AEBP2: variants seen among roughly 807,000 people sequenced by gnomAD.
AEBP2 encodes AE binding protein 2.
Under a neutral mutation model 50.8 loss-of-function variants are expected in AEBP2, and 10 were observed. That is an observed-to-expected ratio of 0.20 (90% CI 0.12 to 0.33). AEBP2 has a LOEUF of 0.33. AEBP2 is among the 10% of genes least tolerant of loss of function. The pLI is 1.00. For synonymous variants in AEBP2, 296 were observed against 261.3 expected (o/e 1.13, Z -1.28); for missense variants, 570 against 688.0 (o/e 0.83, Z 1.92).
rs201862688 is a variant in AEBP2, at chr12:19,514,800, C to T, written c.1481+16C>T. ...ACATATACAGGTAATTTAATTCTTG[C>T]CTTTATGTTTTACTTTTTGATTTGT... On this transcript the variant is annotated intron_variant, in intron 7 of 7. Transcript: ENST00000266508. 64 of 1,567,724 alleles carry T rather than the reference C, an allele frequency of 4.1e-5. No homozygotes were observed. Among genetic ancestry groups the T allele is most frequent in the Admixed American group, 1.4e-4 (8 of 55,346 alleles).
At chr12:19,434,390 C>A (rs986291699) in intron 1 of AEBP2, among the ~76,000 whole-genome samples, 1 of 151,894 alleles carries the variant, frequency 6.6e-6, no homozygotes, top group Non-Finnish European at 1.5e-5. Flanking sequence ...TCAGGCTGGT[C>A]TTGAACTCCC....
intron 1 of AEBP2, among the ~76,000 whole-genome samples, chr12:19,412,467 A>G (rs576473246): frequency 4.0e-5 from 6 of 151,866 alleles, no homozygotes; most frequent in Non-Finnish European, 8.8e-5. Flanking sequence ...TTTAGTAGAG[A>G]AGGGGTTTCA....
intron 1 of AEBP2, chr12:19,457,348 CTG>C (rs1948286701): frequency 2.0e-6 from 3 of 1,469,882 alleles, no homozygotes; most frequent in Non-Finnish European, 2.8e-6. Flanking sequence ...GATGAAGTCT[CTG>C]TGGTTAAGTC....
chr12:19,440,870 C>CA, intron 1 of AEBP2: 2 of 1,040,252 alleles, frequency 1.9e-6, no homozygotes, highest in African/African-American at 1.6e-5. Context: ...TCTACTTAAA[C>CA]AAAAAAAGGA....
intron 7 of AEBP2, among the ~76,000 whole-genome samples, chr12:19,516,097 T>C (rs1949313584): frequency 6.6e-6 from 1 of 152,160 alleles, no homozygotes; most frequent in Admixed American, 6.5e-5. Flanking sequence ...AAAAATTTTT[T>C]TCTTCTCAAA....
chr12:19,423,410 G>A (rs1309637031), intron 1 of AEBP2, among the ~76,000 whole-genome samples: 5 of 152,164 alleles, frequency 3.3e-5, no homozygotes, highest in East Asian at 1.9e-4. Context: ...CATACAAGAT[G>A]CTTTAGGCAT....
At chr12:19,508,214 A>T (rs1185016574) in intron 5 of AEBP2, among the ~76,000 whole-genome samples, 9 of 152,214 alleles carry the variant, frequency 5.9e-5, no homozygotes, top group African/African-American at 9.6e-5. Context: ...TGTTGTTTTT[A>T]AAAAAACCAT....
Position 19,497,328 on chromosome 12 carries a change from GT to G in AEBP2, c.1175-2745del, listed in dbSNP as rs34011915. On this transcript the variant is annotated intron_variant, in intron 4 of 7. Transcript: ENST00000266508. The stretch of plus-strand genomic sequence containing the variant: ...TTCTATTTTTGTGGTTTCCAAAGGT[GT>G]TTTTTTTTTTTTTTTTTTTTTTTGA... 1.0e-3 allele frequency among the ~76,000 whole-genome samples: 81 copies of G among 78,716 alleles called. 1 individual carries two copies. In the South Asian group the frequency reaches 0.044, roughly 42 times the overall value. The allele number at this position is 78,716 out of a possible 152,430, so 51.6% of individuals were successfully genotyped here.
rs964123814 is a variant in AEBP2 at position 19,439,883 on chromosome 12, G to A, written c.184G>A (p.Gly62Ser). The A allele has an allele frequency of 4.3e-5, 64 of 1,484,480 alleles. No homozygotes were observed. Among genetic ancestry groups the A allele is most frequent in the Non-Finnish European group, 5.6e-5 (63 of 1,126,558 alleles). The allele number at this position is 1,484,480 out of a possible 1,614,324, so 92.0% of individuals were successfully genotyped here. A position where few individuals can be genotyped will look rare whatever the true frequency, so the allele number is the denominator to read the frequency against. The change falls in exon 1 of 8, where the codon GGC becomes AGC. Residue 62 changes from glycine (G) to serine (S), a missense_variant. By Grantham distance (56) the Gly-to-Ser change is moderately conservative (BLOSUM62 0). Transcript: ENST00000266508. Reference sequence around the variant, plus strand: ...GGTGGCGGCGCTGCTGCTGAACGGCGGCAGCGGTGGGGGCGGCGGAGGCGG... The same window carrying A: ...GGTGGCGGCGCTGCTGCTGAACGGCAGCAGCGGTGGGGGCGGCGGAGGCGG... ...EAVAALLLNG[G>S]SGGGGGGGGG...
At chr12:19,452,430 A>G (rs1948179860) in intron 1 of AEBP2, among the ~76,000 whole-genome samples, 1 of 152,248 alleles carries the variant, frequency 6.6e-6, no homozygotes, top group Admixed American at 6.5e-5. Context: ...TTTATATAGT[A>G]GGTTACATAA....
rs187232464 is a variant in AEBP2 at position 19,419,449 on chromosome 12, C to T, written c.-17+15233C>T. Among the ~76,000 whole-genome samples, 679 of 152,108 alleles carry T rather than the reference C, an allele frequency of 4.5e-3. 4 individuals carry two copies. Among genetic ancestry groups the T allele is most frequent in the South Asian group, 9.1e-3 (44 of 4,818 alleles). On this transcript the variant is annotated intron_variant, in intron 1 of 3. Transcript: ENST00000538425. ...CTAAAAATACAAAAACTTAGCCAGG[C>T]GTAGTGGCACGTGCCTATAGTCCTA...
intron 2 of AEBP2, among the ~76,000 whole-genome samples, chr12:19,467,638 C>CT (rs1234543631): frequency 6.6e-6 from 1 of 152,124 alleles, no homozygotes; most frequent in Admixed American, 6.6e-5. Flanking sequence ...AGATTAGACT[C>CT]TGAGTTATCT....
Position 19,439,710 on chromosome 12 carries a change from C to T in AEBP2, c.11C>T (p.Ala4Val), listed in dbSNP as rs1170927483. Residue 4 changes from alanine (A) to valine (V), a missense_variant, in exon 1 of 8, where the codon GCT (alanine) becomes GTT (valine). Ala to Val is a moderately conservative substitution (Grantham distance 64, BLOSUM62 0). Coordinates refer to ENST00000266508, the MANE Select transcript of AEBP2 (RefSeq NM_153207.5). Reference protein sequence around the residue: MAAAITDMADLEEL... With the variant: MAAVITDMADLEEL... Reference sequence around the variant, plus strand: ...GGAGCAGGCGCCGCCATGGCCGCCGCTATCACCGACATGGCCGACCTGGAG... The same window carrying T: ...GGAGCAGGCGCCGCCATGGCCGCCGTTATCACCGACATGGCCGACCTGGAG... 2 of 1,515,726 alleles carry T rather than the reference C, an allele frequency of 1.3e-6. No homozygotes were observed. The highest frequency in any genetic ancestry group is 2.0e-5 in the Admixed American group (1 of 49,932). The allele number at this position is 1,515,726 out of a possible 1,614,324, so 93.9% of individuals were successfully genotyped here. A position where few individuals can be genotyped will look rare whatever the true frequency, so the allele number is the denominator to read the frequency against.
chr12:19,428,955 G>A (rs1243661728), intron 1 of AEBP2, among the ~76,000 whole-genome samples: 6 of 152,144 alleles, frequency 3.9e-5, no homozygotes, highest in Non-Finnish European at 8.8e-5. Context: ...CCTGGGCAAC[G>A]TGACAAAACC....
At chr12:19,457,738 T>A in intron 1 of AEBP2, 1 of 747,226 alleles carries the variant, frequency 1.3e-6, no homozygotes, top group East Asian at 3.8e-5. Context: ...AGAGATCTTT[T>A]CGGTTCCTAC....
chr12:19,503,416 G>A (rs112110092), intron 5 of AEBP2, among the ~76,000 whole-genome samples: 1 of 151,790 alleles, frequency 6.6e-6, no homozygotes, highest in South Asian at 2.1e-4. Context: ...GTGTTATTGG[G>A]GTATAGAAAT....
At chr12:19,465,687 A>G (rs1699596091) in intron 2 of AEBP2, among the ~76,000 whole-genome samples, 1 of 152,128 alleles carries the variant, frequency 6.6e-6, no homozygotes. Context: ...TGTGTTTTGA[A>G]TGATAAAATA....
intron 1 of AEBP2, among the ~76,000 whole-genome samples, chr12:19,443,349 G>A (rs557882330): frequency 1.3e-4 from 19 of 151,608 alleles, no homozygotes; most frequent in African/African-American, 4.1e-4. Context: ...CTCCCACCTG[G>A]GTCTTCCAAA....
At chr12:19,428,752 A>T (rs2095749884) in intron 1 of AEBP2, among the ~76,000 whole-genome samples, 1 of 152,110 alleles carries the variant, frequency 6.6e-6, no homozygotes, top group Non-Finnish European at 1.5e-5. Context: ...GGCAGAGGTT[A>T]CAGTGAGCCG....
Sources: allele counts gnomAD v4.1 joint callset (sites outside exome capture counted in the v4.1 genomes callset), GRCh38; gene constraint gnomAD v4.1.1; transcripts MANE v1.5; gene names NCBI Gene and HGNC (gene_info 2026-07-23, HGNC 2026-07-21).